Variants in REXO1 observed in about 807,000 individuals in gnomAD.
REXO1 encodes the protein REX1, RNA exonuclease 1 homolog.
A neutral mutation model predicts 102.6 loss-of-function variants in REXO1; 42 were observed. The ratio of observed to expected loss-of-function variants is 0.41; its 90% confidence interval spans 0.32 to 0.53. REXO1 has a LOEUF of 0.53. REXO1 is among the 20% of genes least tolerant of loss of function. The pLI, the probability that REXO1 is intolerant of heterozygous loss-of-function variation, is 0.27. For synonymous variants in REXO1, 908 were observed against 779.1 expected (o/e 1.17, Z -2.76); for missense variants, 1,819 against 1,732.5 (o/e 1.05, Z -0.89).
In REXO1 at chr19:1,816,361, G is replaced by A. The variant is rs778033880; in HGVS notation, c.3457-16C>T. 3.1e-6 allele frequency: 5 copies of A among 1,590,680 alleles called. No individual in the cohort carries two copies. In the African/African-American group the frequency reaches 4.0e-5, roughly 13 times the overall value. On this transcript the variant is annotated splice_polypyrimidine_tract_variant and intron_variant, in intron 14 of 15. Coordinates refer to ENST00000170168, the MANE Select transcript of REXO1 (RefSeq NM_020695.4). ...TGTGGATGACCTGTGGGCAGCGGCA[G>A]AGATCAGCGCACGTGGGGCCTGCGC...
chr19:1,844,186 G>A (rs1361776538), intron 1 of REXO1, among the ~76,000 whole-genome samples: 1 of 152,220 alleles, frequency 6.6e-6, no homozygotes, highest in African/African-American at 2.4e-5. Context: ...CAGGGCCCCG[G>A]CCCACCCACA....
rs577127440 is a variant in REXO1, at chr19:1,821,653, C to T, written c.2260G>A (p.Ala754Thr). 1 of 1,613,076 alleles carries T rather than the reference C, an allele frequency of 6.2e-7. No individual in the cohort carries two copies. The highest frequency in any genetic ancestry group is 1.1e-5 in the South Asian group (1 of 91,060). ...CCGTTGGAGGACTGGCTGCCGCTGG[C>T]CGCAAGGGTCCTCTTGGCACCTGTG... ...APTGAKRTLA[A>T]SGSQSSNGPE... is the part of the protein sequence containing the mutation. Residue 754 changes from alanine to threonine, a missense_variant, in exon 5 of 16, where the codon GCC becomes ACC. Ala to Thr is a moderately conservative substitution (Grantham distance 58). Transcript: ENST00000170168.
chr19:1,817,600 C>T (rs1434897389), intron 11 of REXO1, 107 bp downstream of exon 11: 6 of 1,450,966 alleles, frequency 4.1e-6, no homozygotes, highest in Admixed American at 2.2e-5. Flanking sequence ...CCCGGGGGCC[C>T]AGACCCTGAG....
At chr19:1,823,123 A>C (rs182193368) in intron 4 of REXO1, 5 of 161,114 alleles carry the variant, frequency 3.1e-5, no homozygotes, top group Non-Finnish European at 4.0e-5. Context: ...CTGGGGGGGA[A>C]GTGCCCCTCG....
In REXO1 at chr19:1,820,122, G is replaced by A. The variant is rs1009009612; in HGVS notation, c.2527-65C>T. 3.2e-6 allele frequency: 5 copies of A among 1,572,558 alleles called. No homozygotes were observed. The African/African-American group carries it at 6.9e-5, about 22-fold the overall frequency. On this transcript the variant is annotated intron_variant, in intron 6 of 15. Transcript: ENST00000170168. ...TGGTGCCGGGGAGCCCCAGCGGTGG[G>A]GTCGCCATGGGGTCGGGGACTTGCA...
At chr19:1,836,509 G>A (rs1283031965) in intron 1 of REXO1, among the ~76,000 whole-genome samples, 1 of 151,914 alleles carries the variant, frequency 6.6e-6, no homozygotes. Context: ...ACTGTAGGAG[G>A]CCGAGACGGG....
At chr19:1,819,553 A>G (rs2069471133) in intron 7 of REXO1, among the ~76,000 whole-genome samples, 1 of 152,216 alleles carries the variant, frequency 6.6e-6, no homozygotes, top group African/African-American at 2.4e-5. Flanking sequence ...TGATAGCTTA[A>G]TGCAGCCTGG....
Position 1,823,565 on chromosome 19 carries a change from G to C in REXO1, c.2230+7C>G. On this transcript the variant is annotated splice_region_variant and intron_variant, in intron 4 of 15. Coordinates refer to ENST00000170168, the MANE Select transcript of REXO1 (RefSeq NM_020695.4). ...CCCCGGCACAGGCCCCCTGGGCCAG[G>C]ACTCACCTGCAGCCAGGCGGGGGTT... The C allele has an allele frequency of 7.7e-7, 1 of 1,303,116 alleles. No individual in the cohort carries two copies. Among genetic ancestry groups the C allele is most frequent in the East Asian group, 3.1e-5 (1 of 32,488 alleles). The allele number at this position is 1,303,116 out of a possible 1,614,324, so 80.7% of individuals were successfully genotyped here.
chr19:1,827,472 C>T lies in REXO1; in HGVS notation c.1317G>A (p.Ser439=), dbSNP rs745628483. The change falls in exon 2 of 16, where the codon TCG becomes TCA. Residue 439 remains serine (S), a synonymous_variant. Transcript: ENST00000170168. ...RPEGTKKKPS[S]ATPVATSGKG... is the part of the protein sequence containing the mutation. ...TCCCTGAGGTGGCCACAGGAGTGGC[C>T]GAAGATGGCTTCTTCTTGGTCCCTT... 3.2e-6 allele frequency: 5 copies of T among 1,572,280 alleles called. No individual in the cohort carries two copies. Among genetic ancestry groups the T allele is most frequent in the East Asian group, 2.3e-5 (1 of 44,428 alleles).
rs1214076937 is a variant in REXO1, at chr19:1,822,110, G to A, written c.2231-428C>T. On this transcript the variant is annotated intron_variant, in intron 4 of 15. Transcript: ENST00000170168. Reference sequence around the variant, plus strand: ...CTTTGATGAAGTCACAAACCAGAGGGAGGAGGCCAGGCCTGCAGGGGCTGC... The same window carrying A: ...CTTTGATGAAGTCACAAACCAGAGGAAGGAGGCCAGGCCTGCAGGGGCTGC... The A allele has an allele frequency of 1.9e-5, 8 of 417,640 alleles. No homozygotes were observed. In the South Asian group the frequency reaches 2.1e-4, roughly 11 times the overall value. 25.9% of individuals were successfully genotyped at this position (417,640 alleles called of 1,614,324 possible). A position where few individuals can be genotyped will look rare whatever the true frequency, so the allele number is the denominator to read the frequency against.
chr19:1,823,932 G>C (rs998629876), intron 3 of REXO1, 147 bp from the exon 4 acceptor site: 4 of 398,890 alleles, frequency 1.0e-5, no homozygotes, highest in South Asian at 1.4e-4. Flanking sequence ...GGGCACACTG[G>C]GGGGAAGCAG....
intron 1 of REXO1, among the ~76,000 whole-genome samples, chr19:1,831,955 C>G (rs779535062): frequency 1.5e-4 from 23 of 151,960 alleles, no homozygotes; most frequent in Middle Eastern, 3.4e-3. Context: ...AAAGCCTCCC[C>G]AGGTAAGTCC....
In REXO1 at chr19:1,821,618, T is replaced by A. The variant is rs749396393; in HGVS notation, c.2295A>T (p.Pro765=). 2.5e-6 allele frequency: 4 copies of A among 1,613,608 alleles called. No individual in the cohort carries two copies. The highest frequency in any genetic ancestry group is 1.1e-5 in the South Asian group (1 of 91,086). ...SGSQSSNGPE[P]GGQQLKTRTL... ...TGCGTGTTTTCAGCTGCTGGCCACC[T>A]GGCTCAGGGCCGTTGGAGGACTGGC... The change falls in exon 5 of 16, where the codon CCA becomes CCT. Residue 765 remains proline (P), a synonymous_variant. Coordinates refer to ENST00000170168, the MANE Select transcript of REXO1 (RefSeq NM_020695.4).
Position 1,819,943 on chromosome 19 carries a change from C to T in REXO1, c.2641G>A (p.Gly881Ser), listed in dbSNP as rs373743950. 29 of 1,581,352 alleles carry T rather than the reference C, an allele frequency of 1.8e-5. No individual in the cohort carries two copies. The Admixed American group carries it at 3.3e-4, about 18-fold the overall frequency. ...ACCCGCCAGGACTCACTGCTGAGGC[C>T]GGGCACAGCGCTGGGGGCCAGGCCC... ...LRGLAPSAVP[G>S]LSKTSGRRVV... Residue 881 changes from glycine (G) to serine (S), a missense_variant, in exon 7 of 16, where the codon GGC (glycine) becomes AGC (serine). Physicochemically the swap from Gly to Ser is moderately conservative, Grantham distance 56. Transcript: ENST00000170168.
intron 3 of REXO1, 114 bp from the exon 4 acceptor site, chr19:1,823,899 C>T: frequency 7.1e-6 from 3 of 423,212 alleles, no homozygotes; most frequent in Non-Finnish European, 8.0e-6. Flanking sequence ...GGCACCACCT[C>T]CCTGGCTGCC....
At position 1,826,599 on chromosome 19, in the gene REXO1, GC is replaced by G. The variant is rs2069731042; in HGVS notation, c.1911+278del. 6.6e-6 allele frequency among the ~76,000 whole-genome samples: 1 copy of G among 151,996 alleles called. No homozygotes were observed. Reference sequence around the variant, plus strand: ...TGGGTGGGTGGGCCAATATCCCCCTGCCAGTCAGTGGGAACAGACCGTGTGC... The same window carrying G: ...TGGGTGGGTGGGCCAATATCCCCCTGCAGTCAGTGGGAACAGACCGTGTGC... On this transcript the variant is annotated intron_variant, in intron 2 of 15. Transcript: ENST00000170168. This position sits in a 1 kb window ranked among gnomAD's most constrained non-coding sequence, Gnocchi z 4.3.
Position 1,816,569 on chromosome 19 carries a change from C to T in REXO1, c.3318G>A (p.Arg1106=). 1 of 1,502,678 alleles carries T rather than the reference C, an allele frequency of 6.7e-7. No homozygotes were observed. Among genetic ancestry groups the T allele is most frequent in the Non-Finnish European group, 9.0e-7 (1 of 1,111,148 alleles). 93.1% of individuals were successfully genotyped at this position (1,502,678 alleles called of 1,614,324 possible). The part of the protein sequence containing the change: ...PDNEIVDYNT[R]FSGVTEADLA... ...GGTCAGCCTCCGTCACCCCCGAAAACCTGGGGGAACGGGCAGGAGGGGCAC... is the reference window on the plus strand; with the variant it reads ...GGTCAGCCTCCGTCACCCCCGAAAATCTGGGGGAACGGGCAGGAGGGGCAC... Residue 1106 remains arginine, a splice_region_variant and synonymous_variant, in exon 14 of 16, where the codon AGG becomes AGA. Transcript: ENST00000170168.
intron 6 of REXO1, 98 bp from the exon 7 acceptor site, chr19:1,820,155 C>T: frequency 2.6e-6 from 4 of 1,561,832 alleles, no homozygotes; most frequent in South Asian, 2.4e-5. Flanking sequence ...GCATCTCTCC[C>T]AGGCAGCTCC....
chr19:1,821,360 A>G (rs2069533372), intron 5 of REXO1, among the ~76,000 whole-genome samples, 159 bp downstream of exon 5: 1 of 150,980 alleles, frequency 6.6e-6, no homozygotes, highest in Admixed American at 6.6e-5. Context: ...AAAAAAAAAA[A>G]CACCAAGGCA....
Sources: gnomAD v4.1 joint callset for allele counts (sites outside exome capture counted in the v4.1 genomes callset) on GRCh38, gnomAD v4.1.1 for gene constraint, Gnocchi (gnomAD v3.1) non-coding constraint, MANE v1.5 for transcripts, NCBI Gene and HGNC (gene_info 2026-07-23, HGNC 2026-07-21) for gene names.